Variants in ANO1 observed in about 807,000 individuals in gnomAD.
ANO1 encodes the protein anoctamin-1.
ANO1 carries 59 observed loss-of-function variants against 124.0 expected under a neutral mutation model. The ratio of observed to expected loss-of-function variants is 0.48; its 90% CI spans 0.39 to 0.59. ANO1 has a LOEUF of 0.59. ANO1 is among the 20% of genes least tolerant of loss of function. The pLI is 0.00. For synonymous variants in ANO1, 529 were observed against 532.0 expected, an observed-to-expected ratio of 0.99 and a Z score of 0.08; for missense variants, 1,059 against 1,328.0, an observed-to-expected ratio of 0.80 and a Z score of 3.15.
At chr11:70,050,372 G>C (rs951571634) in intron 1 of ANO1, among the ~76,000 whole-genome samples, 1 of 152,114 alleles carries the variant, frequency 6.6e-6, no homozygotes. Flanking sequence ...TGCAGGCCAC[G>C]GCCCACTTAC....
At chr11:70,041,620 G>C (rs190391211) in intron 1 of ANO1, among the ~76,000 whole-genome samples, 1 of 152,012 alleles carries the variant, frequency 6.6e-6, no homozygotes, top group East Asian at 1.9e-4. Flanking sequence ...GTAGGTATTC[G>C]TGTAAGCACC....
chr11:70,157,343 G>A (rs1041311554), intron 16 of ANO1, among the ~76,000 whole-genome samples: 1 of 147,908 alleles, frequency 6.8e-6, no homozygotes, highest in African/African-American at 2.5e-5. Flanking sequence ...CTCCAGCCTG[G>A]GTGACAGAGC....
rs533067856 is a variant in ANO1 at position 70,000,787 on chromosome 11, C to T, written c.58+14621C>T. On this transcript the variant is annotated intron_variant, in intron 1 of 27. Transcript: ENST00000531349. ...CACACTCAGACACTAGGATGGATGA[C>T]TATCCCACGCTCCCTTCCCACCATG... 1.1e-3 allele frequency among the ~76,000 whole-genome samples: 172 copies of T among 152,244 alleles called. 2 individuals are homozygous for T. The highest frequency in any genetic ancestry group is 8.9e-3 in the Admixed American group (136 of 15,302).
At chr11:69,970,761 G>A in the ANO1 span, among the ~76,000 whole-genome samples, 1 of 152,198 alleles carries the variant, frequency 6.6e-6, no homozygotes, top group African/African-American at 2.4e-5. Context: ...CAAGAGGTGG[G>A]CATTCCAGGA....
intron 1 of ANO1, among the ~76,000 whole-genome samples, chr11:69,999,886 G>T (rs1856348882): frequency 6.6e-6 from 1 of 152,140 alleles, no homozygotes; most frequent in South Asian, 2.1e-4. Flanking sequence ...TGGCCACCCT[G>T]GGGAGTGTCT....
At chr11:70,029,719 A>G (rs982110196) in intron 1 of ANO1, among the ~76,000 whole-genome samples, 1 of 152,152 alleles carries the variant, frequency 6.6e-6, no homozygotes, top group Non-Finnish European at 1.5e-5. Context: ...ACGGTTCTGG[A>G]GGTGAGAAGT....
intron 1 of ANO1, among the ~76,000 whole-genome samples, chr11:70,022,240 T>C (rs1856822644): frequency 6.6e-6 from 1 of 152,166 alleles, no homozygotes; most frequent in South Asian, 2.1e-4. Context: ...TGGTATGGCC[T>C]CTTCACGACT....
At chr11:69,966,013 C>T in the ANO1 span, among the ~76,000 whole-genome samples, 2 of 152,140 alleles carry the variant, frequency 1.3e-5, no homozygotes, top group Admixed American at 6.5e-5. Flanking sequence ...TGCCACGCTG[C>T]TTCATGAGAT....
intron 11 of ANO1, among the ~76,000 whole-genome samples, chr11:70,140,850 T>A (rs2047129635): frequency 2.0e-5 from 3 of 152,202 alleles, no homozygotes; most frequent in Admixed American, 2.0e-4. Context: ...TAGTAAACAT[T>A]ATCAATCTGT....
intron 10 of ANO1, 110 bp downstream of exon 10, chr11:70,126,305 A>T: frequency 7.4e-7 from 1 of 1,354,306 alleles, no homozygotes; most frequent in Non-Finnish European, 9.8e-7. Flanking sequence ...ATTCCTGTAC[A>T]CATGAAACCT....
In ANO1 at chr11:70,161,243, C is replaced by T. The variant is rs372809100; in HGVS notation, c.1661C>T (p.Pro554Leu). The T allele has an allele frequency of 5.0e-6, 8 of 1,613,832 alleles. No homozygotes were observed. In the South Asian group the frequency reaches 5.5e-5, roughly 11 times the overall value. The change falls in exon 17 of 26, where the codon CCC becomes CTC. Residue 554 changes from proline to leucine, a missense_variant. Coordinates refer to ENST00000355303, the MANE Select transcript of ANO1 (RefSeq NM_018043.7). The stretch of plus-strand genomic sequence containing the variant: ...GCCGCCTTGGCCATGAACTCCTCCC[C>T]CTCCGTGCGGTCCAACATCCGGGTC... ...MAAALAMNSS[P>L]SVRSNIRVTV...
rs2048046971 is a variant in ANO1 at position 70,161,619 on chromosome 11, T to G, written c.1781-3T>G. ...CTCAGTATCATCCTACCCCTCCCTCTAGAGGTCCCAAAGACGGAGAAAAGC... is the reference window on the plus strand; with the variant it reads ...CTCAGTATCATCCTACCCCTCCCTCGAGAGGTCCCAAAGACGGAGAAAAGC... On this transcript the variant is annotated splice_polypyrimidine_tract_variant and splice_region_variant and intron_variant, in intron 17 of 25. Transcript: ENST00000355303. 1 of 1,613,714 alleles carries G rather than the reference T, an allele frequency of 6.2e-7. No individual in the cohort carries two copies. Among genetic ancestry groups the G allele is most frequent in the Non-Finnish European group, 8.5e-7 (1 of 1,179,760 alleles).
intron 1 of ANO1, among the ~76,000 whole-genome samples, chr11:70,034,991 T>A (rs1857069285): frequency 6.6e-6 from 1 of 151,566 alleles, no homozygotes; most frequent in South Asian, 2.1e-4. Flanking sequence ...CACACCTTCC[T>A]CTCTGCAGCC....
the ANO1 span, among the ~76,000 whole-genome samples, chr11:69,980,677 G>A: frequency 6.6e-6 from 1 of 151,930 alleles, no homozygotes; most frequent in Non-Finnish European, 1.5e-5. Flanking sequence ...AACAATGTGA[G>A]TGGTCTTAAT....
At chr11:70,079,095 A>C (rs192638385) in intron 1 of ANO1, among the ~76,000 whole-genome samples, 1 of 152,100 alleles carries the variant, frequency 6.6e-6, no homozygotes, top group Admixed American at 6.5e-5. Flanking sequence ...GCTCGCGGCC[A>C]GGGGTACCTG....
At chr11:70,108,868 C>T (rs560373582) in intron 6 of ANO1, among the ~76,000 whole-genome samples, 10 of 152,198 alleles carry the variant, frequency 6.6e-5, no homozygotes, top group Non-Finnish European at 1.0e-4. Flanking sequence ...GTACAGACAG[C>T]CTAATTCCGG....
chr11:70,064,092 T>C (rs1195687616), intron 1 of ANO1: 1 of 152,248 alleles, frequency 6.6e-6, no homozygotes, highest in East Asian at 1.9e-4. Flanking sequence ...GGAAGGAACA[T>C]CAGGCAGAGT....
chr11:70,188,033 C>G lies in ANO1; in HGVS notation c.*29C>G. 1 of 1,541,044 alleles carries G rather than the reference C, an allele frequency of 6.5e-7. No homozygotes were observed. The highest frequency in any genetic ancestry group is 8.7e-7 in the Non-Finnish European group (1 of 1,143,666). On this transcript the variant is annotated 3_prime_UTR_variant, in exon 26 of 26. Transcript: ENST00000355303. ...TGCCAGCGGGGCTGGGCAGGCCAGC[C>G]GGGCATCCTGACCGATGGGCACCCT...
In ANO1 at chr11:70,185,493, C is replaced by T; in HGVS notation, c.2589-97C>T. The T allele has an allele frequency of 3.5e-6, 4 of 1,135,636 alleles. No individual in the cohort carries two copies. In the Admixed American group the frequency reaches 6.2e-5, roughly 18 times the overall value. The allele number at this position is 1,135,636 out of a possible 1,614,324, so 70.3% of individuals were successfully genotyped here. A position where few individuals can be genotyped will look rare whatever the true frequency, so the allele number is the denominator to read the frequency against. ...CTCCCGGAGGCAGCCGCACACCAAGCTGAGCCTCTCCCAGGCGTCCCTCGA... is the reference window on the plus strand; with the variant it reads ...CTCCCGGAGGCAGCCGCACACCAAGTTGAGCCTCTCCCAGGCGTCCCTCGA... On this transcript the variant is annotated intron_variant, in intron 24 of 25. Transcript: ENST00000355303.
Sources: allele counts gnomAD v4.1 joint callset (sites outside exome capture counted in the v4.1 genomes callset), GRCh38; gene constraint gnomAD v4.1.1; transcripts MANE v1.5; gene names NCBI Gene and HGNC (gene_info 2026-07-23, HGNC 2026-07-21).